TERF1: variants seen among roughly 807,000 people sequenced by gnomAD.
The protein encoded by TERF1 is telomeric repeat binding factor 1, also known as telomeric repeat-binding factor 1.
Under a neutral mutation model 55.1 loss-of-function variants are expected in TERF1, and 20 were observed. That is an observed-to-expected ratio of 0.36 (90% CI 0.26 to 0.53). The LOEUF (loss-of-function observed/expected upper bound fraction) is 0.53, where lower values mean the gene tolerates loss of function less well. TERF1 is among the 20% of genes least tolerant of loss of function. The pLI is 0.91. For missense variants in TERF1, 439 were observed against 535.7 expected (o/e 0.82, Z 1.78); for synonymous variants, 168 against 181.2 (o/e 0.93, Z 0.59).
chr8:73,029,129 C>T (rs55971103), intron 6 of TERF1, among the ~76,000 whole-genome samples: 89 of 152,184 alleles, frequency 5.8e-4, no homozygotes, highest in African/African-American at 1.9e-3. Flanking sequence ...TCAAGTAAAG[C>T]AAGTATAGAA....
chr8:73,035,335 A>G (rs905290233), intron 8 of TERF1, among the ~76,000 whole-genome samples: 10 of 151,966 alleles, frequency 6.6e-5, no homozygotes, highest in Admixed American at 6.6e-4. Context: ...TTACTGACCT[A>G]TGAGGGAAGT....
At chr8:73,038,039 G>C (rs531986718) in intron 8 of TERF1, among the ~76,000 whole-genome samples, 20 of 147,582 alleles carry the variant, frequency 1.4e-4, no homozygotes, top group African/African-American at 4.0e-4. Flanking sequence ...GCCAGCAGTA[G>C]GTAGGTAGGT....
At chr8:73,042,208 GC>G (rs2129918183) in intron 9 of TERF1, among the ~76,000 whole-genome samples, 1 of 152,196 alleles carries the variant, frequency 6.6e-6, no homozygotes, top group African/African-American at 2.4e-5. Flanking sequence ...TCTTCCAGCA[GC>G]CATTCCAAAT....
chr8:73,035,522 G>C (rs968456925), intron 8 of TERF1, among the ~76,000 whole-genome samples: 1 of 151,890 alleles, frequency 6.6e-6, no homozygotes, highest in African/African-American at 2.4e-5. Context: ...ATTGTTGAAT[G>C]AAGTGTTTTA....
At chr8:73,039,458 G>A (rs1164709950) in intron 9 of TERF1, among the ~76,000 whole-genome samples, 1 of 152,108 alleles carries the variant, frequency 6.6e-6, no homozygotes, top group Non-Finnish European at 1.5e-5. Context: ...TGGAATTATT[G>A]TGATACTATC....
rs1201997416 is a variant in TERF1, at chr8:73,025,448, A to C, written c.774+477A>C. 2.0e-5 allele frequency among the ~76,000 whole-genome samples: 3 copies of C among 151,706 alleles called. No homozygotes were observed. The East Asian group carries it at 5.8e-4, about 29-fold the overall frequency. On this transcript the variant is annotated intron_variant, in intron 5 of 9. Coordinates refer to ENST00000276603, the MANE Select transcript of TERF1 (RefSeq NM_017489.3). ...GACATGGTGAAACCCCTTATCTACAAAAAAATACAAAAAAATTAGCTGGGC... is the reference window on the plus strand; with the variant it reads ...GACATGGTGAAACCCCTTATCTACACAAAAATACAAAAAAATTAGCTGGGC...
At chr8:73,026,817 G>A (rs1586046336) in intron 5 of TERF1, 123 bp from the exon 6 acceptor site, 3 of 715,440 alleles carry the variant, frequency 4.2e-6, no homozygotes, top group East Asian at 2.8e-5. Context: ...CCCTTCATTG[G>A]CCTGTGAACA....
At chr8:73,036,202 C>G (rs1351950259) in intron 8 of TERF1, among the ~76,000 whole-genome samples, 1 of 152,172 alleles carries the variant, frequency 6.6e-6, no homozygotes, top group Non-Finnish European at 1.5e-5. Flanking sequence ...AGCAAACAAG[C>G]CAGTACCCTC....
intron 2 of TERF1, among the ~76,000 whole-genome samples, chr8:73,019,911 C>A (rs1357329590): frequency 6.6e-6 from 1 of 152,022 alleles, no homozygotes; most frequent in African/African-American, 2.4e-5. Flanking sequence ...TTTCTTTCTT[C>A]TAGCCCTTAC....
intron 1 of TERF1, chr8:73,011,296 C>T (rs1204257271): frequency 6.6e-6 from 1 of 152,238 alleles, no homozygotes; most frequent in Non-Finnish European, 1.5e-5. Context: ...ACCTGTAATC[C>T]CAGCCCTTTG....
intron 5 of TERF1, among the ~76,000 whole-genome samples, chr8:73,026,317 G>A (rs1041950618): frequency 6.6e-6 from 1 of 152,100 alleles, no homozygotes; most frequent in African/African-American, 2.4e-5. Context: ...GGGCAACATG[G>A]CAAAACCCCG....
chr8:73,013,880 T>G lies in TERF1; in HGVS notation c.320-15T>G. The G allele has an allele frequency of 6.4e-7, 1 of 1,573,872 alleles. No homozygotes were observed. Among genetic ancestry groups the G allele is most frequent in the Non-Finnish European group, 8.7e-7 (1 of 1,153,806 alleles). On this transcript the variant is annotated splice_polypyrimidine_tract_variant and intron_variant, in intron 1 of 9. Transcript: ENST00000276603. Reference sequence around the variant, plus strand: ...AAGTTTGATTTTAATAAAATTTACTTTTTTTCTTTTTTAGCTATTATTCAT... The same window carrying G: ...AAGTTTGATTTTAATAAAATTTACTGTTTTTCTTTTTTAGCTATTATTCAT...
chr8:73,032,857 T>G (rs545640722), intron 8 of TERF1, among the ~76,000 whole-genome samples: 50 of 152,250 alleles, frequency 3.3e-4, no homozygotes, highest in Non-Finnish European at 6.6e-4. Context: ...TTTTAGGTAC[T>G]GAACTGATAC....
chr8:73,040,744 C>T (rs543087230), intron 9 of TERF1, among the ~76,000 whole-genome samples: 4 of 152,254 alleles, frequency 2.6e-5, no homozygotes, highest in Admixed American at 2.0e-4. Context: ...AAATGTTACA[C>T]CTTTTAAGAT....
At chr8:73,026,635 TTA>T (rs1161751434) in intron 5 of TERF1, among the ~76,000 whole-genome samples, 30 of 96,336 alleles carry the variant, frequency 3.1e-4, no homozygotes, top group Non-Finnish European at 5.7e-4. Context: ...TCTAGAATTT[TTA>T]TTTTTTTTTT....
chr8:73,014,508 T>A (rs1217881489), intron 2 of TERF1, among the ~76,000 whole-genome samples: 1 of 152,200 alleles, frequency 6.6e-6, no homozygotes, highest in Non-Finnish European at 1.5e-5. Context: ...GTACAGTTTA[T>A]AGCTGTAATC....
chr8:73,012,569 A>C lies in TERF1; in HGVS notation c.320-1326A>C, dbSNP rs1290213141. The stretch of plus-strand genomic sequence containing the variant: ...GCGCCTGTAGTCCCAGCTATGCGGG[A>C]GGCTGAGGCAGAAGAATGGCATGAA... On this transcript the variant is annotated intron_variant, in intron 1 of 9. Transcript: ENST00000276603. 3.1e-5 allele frequency: 5 copies of C among 159,436 alleles called. No individual in the cohort carries two copies. In the Admixed American group the frequency reaches 3.2e-4, roughly 10 times the overall value. 9.9% of individuals were successfully genotyped at this position (159,436 alleles called of 1,614,324 possible).
At chr8:73,043,760 A>G (rs1460878022) in intron 9 of TERF1, among the ~76,000 whole-genome samples, 2 of 152,224 alleles carry the variant, frequency 1.3e-5, no homozygotes, top group African/African-American at 2.4e-5. Flanking sequence ...TATTGTATCA[A>G]ACGTCATCTG....
intron 9 of TERF1, chr8:73,042,913 GTT>G (rs1809892101): frequency 6.6e-6 from 1 of 152,168 alleles, no homozygotes; most frequent in African/African-American, 2.4e-5. Context: ...AAGGAAATGG[GTT>G]GTATGGGTTT....
Sources: allele counts gnomAD v4.1 joint callset (sites outside exome capture counted in the v4.1 genomes callset), GRCh38; gene constraint gnomAD v4.1.1; transcripts MANE v1.5; gene names NCBI Gene and HGNC (gene_info 2026-07-23, HGNC 2026-07-21).